C10orf105: variants seen among roughly 807,000 people sequenced by gnomAD.
The protein encoded by C10orf105 is chromosome 10 open reading frame 105.
C10orf105 carries 2 observed loss-of-function variants against 0.6 expected under a neutral mutation model. The ratio of observed to expected loss-of-function variants is 3.18; its 90% CI spans 1.30 to 10.01. C10orf105 has a LOEUF of 10.01. Among genes scored for constraint, C10orf105 ranks in the 30% most tolerant of loss-of-function variants. The pLI, the probability that C10orf105 is intolerant of heterozygous loss-of-function variation, is 0.04. For synonymous variants in C10orf105, 95 were observed against 82.4 expected (o/e 1.15, Z -0.83); for missense variants, 209 against 191.4 (o/e 1.09, Z -0.54).
At chr10:71,737,672 T>G in intron 1 of C10orf105, 1 of 468,676 alleles carries the variant, frequency 2.1e-6, no homozygotes, top group Non-Finnish European at 4.4e-6. Flanking sequence ...CTGGGATACC[T>G]AAAACCTGAG....
chr10:71,732,172 A>G (rs774035148), intron 1 of C10orf105: 5 of 1,613,952 alleles, frequency 3.1e-6, no homozygotes, highest in East Asian at 4.5e-5. Flanking sequence ...CAGCGTCTAC[A>G]TCACTCTGCT....
chr10:71,716,285 G>A lies in C10orf105; in HGVS notation c.53C>T (p.Ala18Val), dbSNP rs1279074020. ...LASSPAISPL[A>V]FLSAPVTPGT... ...GGGAGTGACGGGAGCTGAGAGAAAGGCGAGGGGGCTGATGGCTGGGGAGCT... is the reference window on the plus strand; with the variant it reads ...GGGAGTGACGGGAGCTGAGAGAAAGACGAGGGGGCTGATGGCTGGGGAGCT... The change falls in exon 2 of 2, where the codon GCC (alanine) becomes GTC (valine). Residue 18 changes from alanine (A) to valine (V), a missense_variant. Coordinates refer to ENST00000441508, the MANE Select transcript of C10orf105 (RefSeq NM_001164375.3). 4.6e-6 allele frequency: 7 copies of A among 1,528,262 alleles called. No homozygotes were observed. Among genetic ancestry groups the A allele is most frequent in the Non-Finnish European group, 6.2e-6 (7 of 1,133,212 alleles). The allele number at this position is 1,528,262 out of a possible 1,614,324, so 94.7% of individuals were successfully genotyped here. A position where few individuals can be genotyped will look rare whatever the true frequency, so the allele number is the denominator to read the frequency against.
chr10:71,722,624 G>C (rs140455441), upstream of C10orf105, among the ~76,000 whole-genome samples: 1 of 152,350 alleles, frequency 6.6e-6, no homozygotes, highest in African/African-American at 2.4e-5. Context: ...ATGTATCAGA[G>C]GGTGACCAGG....
rs181632605 is a variant in C10orf105 at position 71,735,245 on chromosome 10, C to T, written c.-6+2483G>A. On this transcript the variant is annotated intron_variant, in intron 1 of 1. Transcript: ENST00000398786. ...GGATGCACATTGTGGGGCCTGGGAG[C>T]GCTTAGGAAGGGGACCATGGGCACA... 8.5e-5 allele frequency among the ~76,000 whole-genome samples: 13 copies of T among 152,186 alleles called. No homozygotes were observed. The East Asian group carries it at 2.5e-3, about 29-fold the overall frequency.
rs1334626980 is a variant in C10orf105 at position 71,716,279 on chromosome 10, A to G, written c.59T>C (p.Leu20Pro). ...SSPAISPLAF[L>P]SAPVTPGTLA... ...GGTCCCGGGAGTGACGGGAGCTGAG[A>G]GAAAGGCGAGGGGGCTGATGGCTGG... The change falls in exon 2 of 2, where the codon CTC becomes CCC. Residue 20 changes from leucine to proline, a missense_variant. By Grantham distance (98) the Leu-to-Pro change is moderately conservative. Transcript: ENST00000441508. 1 of 1,531,736 alleles carries G rather than the reference A, an allele frequency of 6.5e-7. No individual in the cohort carries two copies. The allele number at this position is 1,531,736 out of a possible 1,614,324, so 94.9% of individuals were successfully genotyped here.
Position 71,716,154 on chromosome 10 carries a change from C to T in C10orf105, c.184G>A (p.Ala62Thr), listed in dbSNP as rs1261397618. The change falls in exon 2 of 2, where the codon GCC (alanine) becomes ACC (threonine). Residue 62 changes from alanine to threonine, a missense_variant. Transcript: ENST00000441508. ...CLLFMTLCKPAALDPSRRRAH... is the reference protein window; with the variant it reads ...CLLFMTLCKPTALDPSRRRAH... ...CTGCGGCGGCTCGGGTCCAGCGCGG[C>T]CGGCTTGCAGAGCGTCATGAACAGC... The T allele has an allele frequency of 1.9e-6, 3 of 1,550,492 alleles. No individual in the cohort carries two copies. The highest frequency in any genetic ancestry group is 1.4e-5 in the African/African-American group (1 of 73,132).
At chr10:71,720,964 C>G (rs1373082021), upstream of C10orf105, among the ~76,000 whole-genome samples, 1 of 152,204 alleles carries the variant, frequency 6.6e-6, no homozygotes, top group African/African-American at 2.4e-5. Flanking sequence ...TTTTCAATGC[C>G]CAGAGTCCCC....
At chr10:71,717,484 C>T (rs1383805335) in intron 1 of C10orf105, 1 of 152,268 alleles carries the variant, frequency 6.6e-6, no homozygotes, top group Non-Finnish European at 1.5e-5. Context: ...CATTTCCTTT[C>T]CCACTGAAGA....
intron 1 of C10orf105, chr10:71,734,786 C>A: frequency 1.8e-6 from 1 of 562,180 alleles, no homozygotes; most frequent in Non-Finnish European, 3.3e-6. Context: ...TGCAGCAGGC[C>A]CCCTCCCAGT....
intron 1 of C10orf105, among the ~76,000 whole-genome samples, chr10:71,736,696 A>G: frequency 6.6e-6 from 1 of 152,214 alleles, no homozygotes; most frequent in East Asian, 1.9e-4. Context: ...AGATCAGAGC[A>G]GTAGTCATTG....
At chr10:71,723,852 G>A (rs983124989), upstream of C10orf105, among the ~76,000 whole-genome samples, 1 of 152,162 alleles carries the variant, frequency 6.6e-6, no homozygotes, top group East Asian at 1.9e-4. Context: ...GGCCATCAGC[G>A]GTCGGACATC....
chr10:71,734,684 C>T lies in C10orf105; in HGVS notation c.-6+3044G>A, dbSNP rs184949725. 76 of 1,382,820 alleles carry T rather than the reference C, an allele frequency of 5.5e-5. 1 individual carries two copies. The East Asian group carries it at 1.7e-3, about 32-fold the overall frequency. The allele number at this position is 1,382,820 out of a possible 1,614,324, so 85.7% of individuals were successfully genotyped here. A position where few individuals can be genotyped will look rare whatever the true frequency, so the allele number is the denominator to read the frequency against. ...GTGAGTAGCCTGTGGCTGGAGCTTC[C>T]CCTGTGCTGTTGGCTGTGGCCAGTG... is the stretch of plus-strand genomic sequence containing the variant. On this transcript the variant is annotated intron_variant, in intron 1 of 1. Transcript: ENST00000398786.
chr10:71,712,710 T>C lies in C10orf105; in HGVS notation c.*3226A>G, dbSNP rs372378807. 14 of 1,613,736 alleles carry C rather than the reference T, an allele frequency of 8.7e-6. No individual in the cohort carries two copies. The Admixed American group carries it at 2.3e-4, about 27-fold the overall frequency. ...CGACACACGGGCACAGCCACCGTGT[T>C]CGTCACTGTCCTGGATGTGAATGAC... On this transcript the variant is annotated 3_prime_UTR_variant, in exon 2 of 2. Transcript: ENST00000441508.
At chr10:71,718,164 G>A (rs1259896101) in intron 1 of C10orf105, among the ~76,000 whole-genome samples, 3 of 152,192 alleles carry the variant, frequency 2.0e-5, no homozygotes, top group African/African-American at 7.2e-5. Flanking sequence ...TAGCACGGAA[G>A]CTCAGGAGGA....
At chr10:71,731,062 G>C (rs570376432) in intron 1 of C10orf105, among the ~76,000 whole-genome samples, 1 of 152,232 alleles carries the variant, frequency 6.6e-6, no homozygotes, top group East Asian at 1.9e-4. Context: ...TTCCTGTGCC[G>C]CAGGGCAGTA....
chr10:71,732,485 G>A (rs1839426037), intron 1 of C10orf105: 2 of 1,461,860 alleles, frequency 1.4e-6, no homozygotes, highest in African/African-American at 1.4e-5. Flanking sequence ...TCCTTGAGAT[G>A]GCCAAGTGTG....
At chr10:71,730,356 C>A in intron 1 of C10orf105, 1 of 1,390,124 alleles carries the variant, frequency 7.2e-7, no homozygotes, top group Non-Finnish European at 9.7e-7. Context: ...AGAGGGAGCT[C>A]ACAGCAGGCC....
chr10:71,731,348 C>T (rs1260518395), intron 1 of C10orf105, among the ~76,000 whole-genome samples: 1 of 152,184 alleles, frequency 6.6e-6, no homozygotes, highest in Admixed American at 6.5e-5. Flanking sequence ...CTGTGGCATG[C>T]ATGGGATGGG....
rs1378230999 is a variant in C10orf105, at chr10:71,712,917, GGGGGC to G, written c.*3014_*3018del. 30 of 1,379,342 alleles carry G rather than the reference GGGGGC, an allele frequency of 2.2e-5. No individual in the cohort carries two copies. The African/African-American group carries it at 2.7e-4, about 13-fold the overall frequency. 85.4% of individuals were successfully genotyped at this position (1,379,342 alleles called of 1,614,324 possible). ...AGTGGCACCAGAGGCGGAAGCAGGT[GGGGGC>G]CCAGGGTGGGTCCGCTGCTCTGGAA... On this transcript the variant is annotated 3_prime_UTR_variant, in exon 2 of 2. Coordinates refer to ENST00000441508, the MANE Select transcript of C10orf105 (RefSeq NM_001164375.3).
Sources: gnomAD v4.1 joint callset for allele counts (sites outside exome capture counted in the v4.1 genomes callset) on GRCh38, gnomAD v4.1.1 for gene constraint, MANE v1.5 for transcripts, NCBI Gene and HGNC (gene_info 2026-07-23, HGNC 2026-07-21) for gene names.